Variants in AGTPBP1 observed in about 807,000 individuals in gnomAD.
AGTPBP1 encodes cytosolic carboxypeptidase 1.
In AGTPBP1, 70 loss-of-function variants were observed where a neutral mutation model predicts 143.9. The observed-to-expected ratio is 0.49, with a 90% CI of 0.40 to 0.59. The LOEUF (loss-of-function observed/expected upper bound fraction) is 0.59. Among genes scored for constraint, AGTPBP1 ranks in the 20% least tolerant of loss-of-function variants. The pLI is 0.00. For synonymous variants in AGTPBP1, 463 were observed against 500.2 expected, an observed-to-expected ratio of 0.93 and a Z score of 0.99; for missense variants, 1,229 against 1,464.5, an observed-to-expected ratio of 0.84 and a Z score of 2.62.
chr9:85,723,332 C>A (rs1838254956), intron 1 of AGTPBP1, among the ~76,000 whole-genome samples: 3 of 152,230 alleles, frequency 2.0e-5, no homozygotes, highest in Admixed American at 1.3e-4. Flanking sequence ...GGGCTCCACC[C>A]AGTTCGAGCT....
intron 14 of AGTPBP1, among the ~76,000 whole-genome samples, chr9:85,630,641 G>A (rs1831615687): frequency 6.6e-6 from 1 of 151,984 alleles, no homozygotes. Context: ...CATCACACCT[G>A]GCTAATTTTT....
At chr9:85,732,770 C>T (rs1215144723) in intron 1 of AGTPBP1, among the ~76,000 whole-genome samples, 2 of 151,230 alleles carry the variant, frequency 1.3e-5, no homozygotes, top group Non-Finnish European at 2.9e-5. Context: ...ATACATGGAA[C>T]GTGAAAGAAT....
At chr9:85,754,867 A>G in the AGTPBP1 span, among the ~76,000 whole-genome samples, 1 of 152,116 alleles carries the variant, frequency 6.6e-6, no homozygotes, top group African/African-American at 2.4e-5. Flanking sequence ...CTTAAAAAGA[A>G]TCTCTTATTC....
At chr9:85,594,576 C>T (rs1210189150) in intron 18 of AGTPBP1, among the ~76,000 whole-genome samples, 1 of 142,142 alleles carries the variant, frequency 7.0e-6, no homozygotes, top group Middle Eastern at 3.2e-3. Flanking sequence ...GGCAACAGGG[C>T]AAGACTGTGT....
Position 85,596,497 on chromosome 9 carries a change from A to C in AGTPBP1, c.2336-48T>G, listed in dbSNP as rs777769474. On this transcript the variant is annotated intron_variant, in intron 17 of 25. Coordinates refer to ENST00000357081, the MANE Select transcript of AGTPBP1 (RefSeq NM_001330701.2). ...GAGAAAATTATTTTCATAATTTTTCAATTAAAAATTAATCTTGCCTTTGTA... is the reference window on the plus strand; with the variant it reads ...GAGAAAATTATTTTCATAATTTTTCCATTAAAAATTAATCTTGCCTTTGTA... 4.5e-5 allele frequency: 57 copies of C among 1,266,800 alleles called. No individual in the cohort carries two copies. In the Admixed American group the frequency reaches 1.3e-3, roughly 29 times the overall value. The allele number at this position is 1,266,800 out of a possible 1,614,324, so 78.5% of individuals were successfully genotyped here. A position where few individuals can be genotyped will look rare whatever the true frequency, so the allele number is the denominator to read the frequency against.
chr9:85,637,405 C>CT (rs1291709087), intron 13 of AGTPBP1, among the ~76,000 whole-genome samples: 3 of 152,076 alleles, frequency 2.0e-5, no homozygotes, highest in African/African-American at 7.2e-5. Flanking sequence ...CCAATGAAGT[C>CT]TAAAACTTCA....
chr9:85,584,065 G>C (rs901576660), intron 23 of AGTPBP1, among the ~76,000 whole-genome samples: 1 of 151,936 alleles, frequency 6.6e-6, no homozygotes, highest in Non-Finnish European at 1.5e-5. Flanking sequence ...GCAGCCTAGG[G>C]AAGGCTCTGT....
chr9:85,749,084 C>T, the AGTPBP1 span, among the ~76,000 whole-genome samples: 2 of 149,234 alleles, frequency 1.3e-5, no homozygotes, highest in Non-Finnish European at 1.5e-5. Context: ...CTCACTGCAG[C>T]CTTGGGCTCA....
chr9:85,743,744 C>A (rs1234332405), upstream of AGTPBP1, among the ~76,000 whole-genome samples: 1 of 152,122 alleles, frequency 6.6e-6, no homozygotes, highest in Non-Finnish European at 1.5e-5. Flanking sequence ...CAGGGCCACA[C>A]CCTGTTAGCC....
chr9:85,784,935 C>A, the AGTPBP1 span, among the ~76,000 whole-genome samples: 3 of 152,156 alleles, frequency 2.0e-5, no homozygotes, highest in Non-Finnish European at 2.9e-5. Flanking sequence ...AATTTTAAAT[C>A]TTGGGTCAAG....
chr9:85,749,431 A>C, the AGTPBP1 span, among the ~76,000 whole-genome samples: 3 of 152,168 alleles, frequency 2.0e-5, no homozygotes, highest in African/African-American at 7.2e-5. Context: ...CTTAATGCAA[A>C]AACAGAAAAC....
At chr9:85,802,695 G>T in the AGTPBP1 span, among the ~76,000 whole-genome samples, 1 of 152,154 alleles carries the variant, frequency 6.6e-6, no homozygotes. Flanking sequence ...AATATATCTT[G>T]CTCACATAAT....
chr9:85,723,021 C>T (rs541521978), intron 1 of AGTPBP1, among the ~76,000 whole-genome samples: 17 of 152,260 alleles, frequency 1.1e-4, no homozygotes, highest in African/African-American at 4.1e-4. Flanking sequence ...ACAGCAAATG[C>T]TGCTGCTTGA....
At chr9:85,698,885 G>C (rs1836459939) in intron 2 of AGTPBP1, among the ~76,000 whole-genome samples, 1 of 151,426 alleles carries the variant, frequency 6.6e-6, no homozygotes, top group South Asian at 2.1e-4. Flanking sequence ...ATTAAAGATG[G>C]AGTTTCACTG....
At chr9:85,564,062 C>T (rs1033360916) in intron 25 of AGTPBP1, among the ~76,000 whole-genome samples, 1 of 152,224 alleles carries the variant, frequency 6.6e-6, no homozygotes, top group African/African-American at 2.4e-5. Flanking sequence ...AGGTAAGGAA[C>T]CACCACAAGG....
At chr9:85,698,116 C>T (rs1483102041) in intron 2 of AGTPBP1, among the ~76,000 whole-genome samples, 2 of 151,366 alleles carry the variant, frequency 1.3e-5, no homozygotes, top group African/African-American at 2.4e-5. Flanking sequence ...ATTAATAAAA[C>T]ATCTATTCAA....
chr9:85,684,695 A>G (rs550793057), intron 3 of AGTPBP1, among the ~76,000 whole-genome samples: 36 of 152,254 alleles, frequency 2.4e-4, no homozygotes, highest in Non-Finnish European at 5.0e-4. Flanking sequence ...TAATAATCCA[A>G]TCAAAAAGAA....
chr9:85,635,791 C>G lies in AGTPBP1; in HGVS notation c.1303-2417G>C, dbSNP rs1054289944. 2.0e-5 allele frequency among the ~76,000 whole-genome samples: 3 copies of G among 151,024 alleles called. No homozygotes were observed. In the South Asian group the frequency reaches 6.3e-4, roughly 32 times the overall value. On this transcript the variant is annotated intron_variant, in intron 13 of 25. Coordinates refer to ENST00000357081, the MANE Select transcript of AGTPBP1 (RefSeq NM_001330701.2). ...AAAAGATGAAACTCCAGTACTACAT[C>G]TTCAGTATATAGGTCCTAGAAACAC...
chr9:85,631,315 T>C (rs552753483), intron 14 of AGTPBP1, among the ~76,000 whole-genome samples: 49 of 152,370 alleles, frequency 3.2e-4, no homozygotes, highest in African/African-American at 1.1e-3. Context: ...CAGGCTTGTG[T>C]ATTCTTTCTA....
Sources: gnomAD v4.1 joint callset for allele counts (sites outside exome capture counted in the v4.1 genomes callset) on GRCh38, gnomAD v4.1.1 for gene constraint, MANE v1.5 for transcripts, NCBI Gene and HGNC (gene_info 2026-07-23, HGNC 2026-07-21) for gene names.